ADA: variants seen among roughly 807,000 people sequenced by gnomAD.
The protein encoded by ADA is adenosine deaminase.
In ADA, 45 loss-of-function variants were observed where a neutral mutation model predicts 49.0. The observed-to-expected ratio is 0.92, with a 90% CI of 0.72 to 1.18. The LOEUF (loss-of-function observed/expected upper bound fraction) is 1.18. Ranked by LOEUF, ADA falls within the 50% of genes most tolerant of loss-of-function variation. The pLI is 0.00. For missense variants in ADA, 445 were observed against 472.5 expected (o/e 0.94, Z 0.54); for synonymous variants, 173 against 184.2 (o/e 0.94, Z 0.49).
intron 1 of ADA, 82 bp downstream of exon 1, chr20:44,651,493 A>G: frequency 3.6e-6 from 5 of 1,388,568 alleles, no homozygotes; most frequent in Non-Finnish European, 4.9e-6. Context: ...CAGGGTTTGG[A>G]CGCCCCGGGC....
chr20:44,635,236 A>G (rs2065469488), intron 2 of ADA, among the ~76,000 whole-genome samples: 1 of 152,144 alleles, frequency 6.6e-6, no homozygotes, highest in Non-Finnish European at 1.5e-5. Flanking sequence ...CTGGCCCCCT[A>G]GCATCTCTGA....
chr20:44,623,203 C>A, intron 6 of ADA, 125 bp from the exon 7 acceptor site: 1 of 1,421,560 alleles, frequency 7.0e-7, no homozygotes, highest in Non-Finnish European at 9.6e-7. Flanking sequence ...ATGGGGAAAC[C>A]TGGTCTTTTA....
At chr20:44,646,758 C>T (rs1027286589) in intron 1 of ADA, among the ~76,000 whole-genome samples, 1 of 151,982 alleles carries the variant, frequency 6.6e-6, no homozygotes, top group South Asian at 2.1e-4. Flanking sequence ...ATGCACTGGC[C>T]CACCCTGCCA....
At chr20:44,634,979 G>A (rs2065466749) in intron 2 of ADA, among the ~76,000 whole-genome samples, 2 of 152,250 alleles carry the variant, frequency 1.3e-5, no homozygotes, top group South Asian at 4.1e-4. Flanking sequence ...GGTCTGCGGG[G>A]GCAGGGCTGG....
At chr20:44,647,648 T>G (rs1382065316) in intron 1 of ADA, among the ~76,000 whole-genome samples, 1 of 152,062 alleles carries the variant, frequency 6.6e-6, no homozygotes, top group East Asian at 1.9e-4. Flanking sequence ...CCGGGCACAG[T>G]GGCTCACACC....
rs542229902 is a variant in ADA at position 44,622,602 on chromosome 20, C to T, written c.831G>A (p.Glu277=). The T allele has an allele frequency of 6.2e-7, 1 of 1,614,140 alleles. No homozygotes were observed. Among genetic ancestry groups the T allele is most frequent in the Admixed American group, 1.7e-5 (1 of 60,008 alleles). The change falls in exon 9 of 12, where the codon GAG becomes GAA. Residue 277 remains glutamate (E), a synonymous_variant. Transcript: ENST00000372874. ...YLTGAWKPDT[E]HAVIRLKNDQ... ...ACAGAGCTCACCGAATGACTGCATG[C>T]TCCGTGTCCGGCTTCCAGGCACCAG...
chr20:44,651,597 G>A lies in ADA; in HGVS notation c.11C>T (p.Thr4Met). 1.9e-6 allele frequency: 3 copies of A among 1,539,586 alleles called. No individual in the cohort carries two copies. The highest frequency in any genetic ancestry group is 2.6e-6 in the Non-Finnish European group (3 of 1,150,346). The change falls in exon 1 of 12, where the codon ACG becomes ATG. Residue 4 changes from threonine (T) to methionine (M), a missense_variant. Coordinates refer to ENST00000372874, the MANE Select transcript of ADA (RefSeq NM_000022.4). ...CACTTTGGGCTTGTCGAAGGCGGGCGTCTGGGCCATGGTGCCCTCGTGCGC... is the reference window on the plus strand; with the variant it reads ...CACTTTGGGCTTGTCGAAGGCGGGCATCTGGGCCATGGTGCCCTCGTGCGC... MAQ[T>M]PAFDKPKVEL...
At chr20:44,647,459 C>G (rs1274924144) in intron 1 of ADA, among the ~76,000 whole-genome samples, 1 of 151,798 alleles carries the variant, frequency 6.6e-6, no homozygotes, top group African/African-American at 2.4e-5. Flanking sequence ...AAGAAAGAAA[C>G]TGCTGTCCCA....
intron 10 of ADA, 68 bp downstream of exon 10, chr20:44,620,950 C>G: frequency 6.2e-7 from 1 of 1,603,852 alleles, no homozygotes; most frequent in Non-Finnish European, 8.5e-7. Flanking sequence ...TTCCAGGCCC[C>G]GGACTGGACC....
intron 1 of ADA, among the ~76,000 whole-genome samples, chr20:44,642,090 A>G (rs2065541231): frequency 6.6e-6 from 1 of 152,144 alleles, no homozygotes. Flanking sequence ...TTAAATGCCA[A>G]TTCAAGAGCC....
In ADA at chr20:44,619,843, C is replaced by T; in HGVS notation, c.1083G>A (p.Gln361=). The T allele has an allele frequency of 1.2e-6, 2 of 1,614,168 alleles. No homozygotes were observed. Among genetic ancestry groups the T allele is most frequent in the Non-Finnish European group, 1.7e-6 (2 of 1,180,020 alleles). ...TGGAGGAGTGGCGTCTTCAGAGGTTCTGCCCTGCTCGTTGGTTCAGAGAAG... is the reference window on the plus strand; with the variant it reads ...TGGAGGAGTGGCGTCTTCAGAGGTTTTGCCCTGCTCGTTGGTTCAGAGAAG... ...YGMPPSASAG[Q]NL The change falls in exon 12 of 12, where the codon CAG becomes CAA. Residue 361 remains glutamine (Q), a synonymous_variant. Coordinates refer to ENST00000372874, the MANE Select transcript of ADA (RefSeq NM_000022.4).
Position 44,621,081 on chromosome 20 carries a change from C to T in ADA, c.912G>A (p.Leu304=). The stretch of plus-strand genomic sequence containing the variant: ...GTTTGGTCATCTGGTAATCAGTGTC[C>T]AGGGTGGACTTGAAGATGAGCGGGT... ...TDDPLIFKST[L]DTDYQMTKRD... The change falls in exon 10 of 12, where the codon CTG becomes CTA. Residue 304 remains leucine (L), a synonymous_variant. Coordinates refer to ENST00000372874, the MANE Select transcript of ADA (RefSeq NM_000022.4). 1.2e-6 allele frequency: 2 copies of T among 1,614,140 alleles called. No homozygotes were observed. Among genetic ancestry groups the T allele is most frequent in the Non-Finnish European group, 1.7e-6 (2 of 1,180,028 alleles).
rs1568845422 is a variant in ADA, at chr20:44,625,614, C to G, written c.433G>C (p.Gly145Arg). Residue 145 changes from glycine (G) to arginine (R), a missense_variant, in exon 5 of 12, where the codon GGG becomes CGG. Transcript: ENST00000372874. ...QGLQEGERDF[G>R]VKARSILCCM... The stretch of plus-strand genomic sequence containing the variant: ...CACAGGATGGACCGGGCCTTGACCC[C>G]GAAGTCTCGCTCCCCCTCCTGCAGG... The G allele has an allele frequency of 6.3e-7, 1 of 1,587,266 alleles. No homozygotes were observed. The highest frequency in any genetic ancestry group is 8.6e-7 in the Non-Finnish European group (1 of 1,166,712).
intron 3 of ADA, among the ~76,000 whole-genome samples, chr20:44,627,697 A>G (rs1235086291): frequency 6.6e-6 from 1 of 152,180 alleles, no homozygotes; most frequent in Admixed American, 6.5e-5. Flanking sequence ...GAGTAGCCCA[A>G]TATTTGTTGG....
chr20:44,627,929 C>T (rs1309398139), intron 3 of ADA, among the ~76,000 whole-genome samples: 1 of 152,192 alleles, frequency 6.6e-6, no homozygotes, highest in Non-Finnish European at 1.5e-5. Context: ...AAACCCCACC[C>T]GGGTCAGTGC....
intron 1 of ADA, among the ~76,000 whole-genome samples, chr20:44,649,630 AG>A (rs2065623280): frequency 6.6e-6 from 1 of 150,756 alleles, no homozygotes; most frequent in South Asian, 2.1e-4. Context: ...GGGCTGTTAC[AG>A]AAGAACTGCA....
intron 1 of ADA, among the ~76,000 whole-genome samples, chr20:44,644,954 T>A (rs2065575075): frequency 6.6e-6 from 1 of 152,162 alleles, no homozygotes; most frequent in South Asian, 2.1e-4. Flanking sequence ...AGACTGAGGC[T>A]CAGAGAGTGG....
In ADA at chr20:44,619,729, CTA is replaced by C; in HGVS notation, c.*103_*104del. The C allele has an allele frequency of 6.9e-7, 1 of 1,455,864 alleles. No individual in the cohort carries two copies. The allele number at this position is 1,455,864 out of a possible 1,614,324, so 90.2% of individuals were successfully genotyped here. A position where few individuals can be genotyped will look rare whatever the true frequency, so the allele number is the denominator to read the frequency against. On this transcript the variant is annotated 3_prime_UTR_variant, in exon 12 of 12. Transcript: ENST00000372874. ...AGGGTTCAGGAGCATCAGTAACTGA[CTA>C]TTGAGATCATGGTCTTCTTGGAAGG...
At position 44,651,617 on chromosome 20, in the gene ADA, G is replaced by T. The variant is rs886056709; in HGVS notation, c.-10C>A. 3.3e-6 allele frequency: 5 copies of T among 1,531,514 alleles called. No homozygotes were observed. The highest frequency in any genetic ancestry group is 4.4e-6 in the Non-Finnish European group (5 of 1,146,352). The allele number at this position is 1,531,514 out of a possible 1,614,324, so 94.9% of individuals were successfully genotyped here. On this transcript the variant is annotated 5_prime_UTR_variant, in exon 1 of 12. Coordinates refer to ENST00000372874, the MANE Select transcript of ADA (RefSeq NM_000022.4). ...CGGGCGTCTGGGCCATGGTGCCCTC[G>T]TGCGCCCCGGCGCTGCTCCCTCCGC... is the stretch of plus-strand genomic sequence containing the variant.
Sources: gnomAD v4.1 joint callset for allele counts (sites outside exome capture counted in the v4.1 genomes callset) on GRCh38, gnomAD v4.1.1 for gene constraint, MANE v1.5 for transcripts, NCBI Gene and HGNC (gene_info 2026-07-23, HGNC 2026-07-21) for gene names.